The following AK3 variants were observed in gnomAD, a reference collection of about 807,000 sequenced individuals.
AK3 encodes adenylate kinase 3.
Under a neutral mutation model 23.7 loss-of-function variants are expected in AK3, and 27 were observed. The observed-to-expected ratio is 1.14, with a 90% CI of 0.84 to 1.57. The LOEUF (loss-of-function observed/expected upper bound fraction) is 1.57. AK3 is among the 40% of genes most tolerant of loss of function. AK3 has a pLI of 0.00. For synonymous variants in AK3, 159 were observed against 116.0 expected (o/e 1.37, Z -2.38); for missense variants, 406 against 285.6 (o/e 1.42, Z -3.04).
intron 4 of AK3, among the ~76,000 whole-genome samples, chr9:4,713,723 G>C (rs1288952840): frequency 6.6e-6 from 1 of 152,052 alleles, no homozygotes; most frequent in African/African-American, 2.4e-5. Context: ...AGGCAGATTT[G>C]TCTAGCTTGT....
At chr9:4,721,897 C>G (rs1212438567) in intron 2 of AK3, among the ~76,000 whole-genome samples, 1 of 152,188 alleles carries the variant, frequency 6.6e-6, no homozygotes, top group Non-Finnish European at 1.5e-5. Flanking sequence ...ATAAAGCAAG[C>G]AAGTCAGGGC....
intron 4 of AK3, among the ~76,000 whole-genome samples, chr9:4,717,185 C>T (rs1189746985): frequency 6.6e-6 from 1 of 152,168 alleles, no homozygotes; most frequent in African/African-American, 2.4e-5. Context: ...CTTAGGTATT[C>T]TGGCTCCAGA....
intron 1 of AK3, among the ~76,000 whole-genome samples, chr9:4,727,323 G>A (rs1452087038): frequency 6.6e-6 from 1 of 152,178 alleles, no homozygotes; most frequent in Non-Finnish European, 1.5e-5. Context: ...CCAATAGAAG[G>A]CTGTTTCGTT....
intron 1 of AK3, among the ~76,000 whole-genome samples, chr9:4,731,443 G>A (rs1268228685): frequency 2.0e-5 from 3 of 152,052 alleles, no homozygotes; most frequent in Non-Finnish European, 4.4e-5. Context: ...TGCAAAGGAC[G>A]TAATCTTGTT....
chr9:4,713,950 G>A (rs62542957), intron 4 of AK3, among the ~76,000 whole-genome samples: 250 of 1,734 alleles, frequency 0.14, 5 homozygotes, highest in Middle Eastern at 0.33. Context: ...ACATATACAC[G>A]CCTACACATA....
At chr9:4,741,880 TTCCTCC>T (rs3840735), upstream of AK3, 2 of 151,108 alleles carry the variant, frequency 1.3e-5, no homozygotes, top group Admixed American at 1.3e-4. Context: ...CCTTCCCTCC[TTCCTCC>T]TCCTCCTCTG....
chr9:4,721,749 G>A (rs1037116638), intron 2 of AK3, among the ~76,000 whole-genome samples: 3 of 152,204 alleles, frequency 2.0e-5, no homozygotes, highest in Non-Finnish European at 2.9e-5. Context: ...GTGAGCCACT[G>A]CCTCTGGCCC....
rs1841924279 is a variant in AK3, at chr9:4,722,487, C to T, written c.271+19G>A. ...CTGATTATTTTGGGCAGGTGAAATG[C>T]TCATGAGACTCCACTTACCATCCAA... On this transcript the variant is annotated intron_variant, in intron 2 of 4. Transcript: ENST00000381809. 1.2e-6 allele frequency: 2 copies of T among 1,613,990 alleles called. No homozygotes were observed. The highest frequency in any genetic ancestry group is 1.7e-6 in the Non-Finnish European group (2 of 1,179,934).
intron 1 of AK3, among the ~76,000 whole-genome samples, chr9:4,728,266 T>C (rs1046306483): frequency 6.6e-6 from 1 of 152,168 alleles, no homozygotes. Context: ...TAAAACAACA[T>C]ATGCCTTTAA....
intron 4 of AK3, among the ~76,000 whole-genome samples, chr9:4,718,046 T>C (rs1841784596): frequency 6.6e-6 from 1 of 152,204 alleles, no homozygotes; most frequent in Admixed American, 6.5e-5. Context: ...GTAGTTCAAG[T>C]TGGCTCCATC....
intron 4 of AK3, 30 bp downstream of exon 4, chr9:4,718,389 C>T: frequency 1.3e-6 from 2 of 1,523,450 alleles, no homozygotes; most frequent in Non-Finnish European, 1.8e-6. Flanking sequence ...CACCACTACG[C>T]AAGAGAAGTT....
chr9:4,715,564 T>G (rs1841704796), intron 4 of AK3, among the ~76,000 whole-genome samples: 2 of 151,206 alleles, frequency 1.3e-5, no homozygotes, highest in South Asian at 4.2e-4. Context: ...CTGGCTAATA[T>G]TTTTTTTTAT....
intron 2 of AK3, among the ~76,000 whole-genome samples, chr9:4,721,126 G>T: frequency 6.6e-6 from 1 of 152,186 alleles, no homozygotes; most frequent in East Asian, 1.9e-4. Flanking sequence ...GAAGATGCCA[G>T]GTGCGATGGC....
chr9:4,726,078 C>T (rs1044173343), intron 1 of AK3, among the ~76,000 whole-genome samples: 1 of 152,036 alleles, frequency 6.6e-6, no homozygotes, highest in Non-Finnish European at 1.5e-5. Flanking sequence ...TAACAATGTA[C>T]CTACCTTAAT....
intron 1 of AK3, among the ~76,000 whole-genome samples, chr9:4,729,752 A>C (rs1465595180): frequency 6.6e-6 from 1 of 151,560 alleles, no homozygotes; most frequent in Non-Finnish European, 1.5e-5. Context: ...ACTTGGGTGC[A>C]GGAGTTCAAG....
chr9:4,729,392 G>C (rs1842102527), intron 1 of AK3, among the ~76,000 whole-genome samples: 1 of 152,096 alleles, frequency 6.6e-6, no homozygotes, highest in Non-Finnish European at 1.5e-5. Flanking sequence ...AGGAGGCTGA[G>C]GCCCAGGAGC....
chr9:4,736,266 C>G (rs934287496), intron 1 of AK3, among the ~76,000 whole-genome samples: 1 of 151,744 alleles, frequency 6.6e-6, no homozygotes, highest in Non-Finnish European at 1.5e-5. Flanking sequence ...TGAAATGGGG[C>G]ACTCCATATG....
intron 1 of AK3, among the ~76,000 whole-genome samples, chr9:4,724,760 C>T (rs184469786): frequency 4.3e-5 from 6 of 141,090 alleles, no homozygotes; most frequent in South Asian, 2.4e-4. Context: ...GCCTGGGCAA[C>T]GGAGTGAGAC....
chr9:4,711,132 T>C lies in AK3; in HGVS notation c.*1844A>G, dbSNP rs998193484. ...GGCTACCATAGCAGGAGATGAAGTA[T>C]TGCATAAACTGAAACCAGCCTATGG... On this transcript the variant is annotated 3_prime_UTR_variant, in exon 5 of 5. Transcript: ENST00000381809. 2.0e-5 allele frequency: 3 copies of C among 152,222 alleles called. No individual in the cohort carries two copies. The highest frequency in any genetic ancestry group is 6.5e-5 in the Admixed American group (1 of 15,270). 9.4% of individuals were successfully genotyped at this position (152,222 alleles called of 1,614,324 possible).
Sources: gnomAD v4.1 joint callset for allele counts (sites outside exome capture counted in the v4.1 genomes callset) on GRCh38, gnomAD v4.1.1 for gene constraint, MANE v1.5 for transcripts, NCBI Gene and HGNC (gene_info 2026-07-23, HGNC 2026-07-21) for gene names.